ZBTB44: variants seen among roughly 807,000 people sequenced by gnomAD.
ZBTB44 encodes zinc finger and BTB domain-containing protein 44.
Under a neutral mutation model 54.0 loss-of-function variants are expected in ZBTB44, and 15 were observed. That is an observed-to-expected ratio of 0.28 (90% CI 0.19 to 0.43). ZBTB44 has a LOEUF of 0.43. Ranked by LOEUF, ZBTB44 falls within the 20% of genes least tolerant of loss-of-function variation. ZBTB44 has a pLI of 1.00. For synonymous variants in ZBTB44, 230 were observed against 250.1 expected (o/e 0.92, Z 0.76); for missense variants, 487 against 707.1 (o/e 0.69, Z 3.53).
At chr11:130,311,349 C>T (rs1942589733) in intron 1 of ZBTB44, among the ~76,000 whole-genome samples, 5 of 152,108 alleles carry the variant, frequency 3.3e-5, no homozygotes, top group Admixed American at 3.3e-4. Flanking sequence ...GCTGGGAACA[C>T]AGGCACACAC....
chr11:130,307,100 C>T (rs1387959360), intron 1 of ZBTB44, among the ~76,000 whole-genome samples: 1 of 151,250 alleles, frequency 6.6e-6, no homozygotes, highest in Admixed American at 6.6e-5. Context: ...AGTTGAATAC[C>T]TGAATAGCCA....
intron 1 of ZBTB44, chr11:130,284,979 CATCACATCCAT>C (rs1168073411): frequency 6.5e-6 from 1 of 153,398 alleles, no homozygotes. Context: ...TTGTGAAAAT[CATCACATCCAT>C]ATACACAAAA....
chr11:130,279,660 AAACCAACCAACCAACC>A (rs112723247), intron 1 of ZBTB44, among the ~76,000 whole-genome samples: 2 of 151,672 alleles, frequency 1.3e-5, no homozygotes, highest in Admixed American at 6.6e-5. Flanking sequence ...CTCTGTCTCA[AAACCAACCAACCAACC>A]AACCAACCAA....
intron 1 of ZBTB44, among the ~76,000 whole-genome samples, chr11:130,275,997 C>G (rs147193598): frequency 0.033 from 4,976 of 151,068 alleles, 250 homozygotes; most frequent in African/African-American, 0.11. Context: ...GAGGCCAAAG[C>G]GGGTGATCAC....
intron 1 of ZBTB44, among the ~76,000 whole-genome samples, chr11:130,278,150 TGTTA>T (rs1303200425): frequency 2.6e-5 from 4 of 152,222 alleles, no homozygotes; most frequent in South Asian, 4.1e-4. Context: ...ATAAGCCCAT[TGTTA>T]GTTAAAAATA....
chr11:130,232,984 C>G (rs1953935568), intron 7 of ZBTB44: 1 of 207,516 alleles, frequency 4.8e-6, no homozygotes, highest in Non-Finnish European at 9.4e-6. Flanking sequence ...GCCTGGGCAA[C>G]AGAGTGAGAT....
chr11:130,265,501 C>T (rs1939185628), intron 1 of ZBTB44, among the ~76,000 whole-genome samples: 1 of 152,086 alleles, frequency 6.6e-6, no homozygotes, highest in Admixed American at 6.6e-5. Flanking sequence ...AAATGAAATG[C>T]TAGAAATGAT....
chr11:130,294,528 T>G (rs1941509481), intron 1 of ZBTB44, among the ~76,000 whole-genome samples: 1 of 113,740 alleles, frequency 8.8e-6, no homozygotes, highest in Non-Finnish European at 1.7e-5. Flanking sequence ...TACACAAAGG[T>G]CTATATGACC....
At chr11:130,278,689 C>T (rs1475788503) in intron 1 of ZBTB44, among the ~76,000 whole-genome samples, 5 of 152,118 alleles carry the variant, frequency 3.3e-5, no homozygotes, top group Non-Finnish European at 7.4e-5. Context: ...TCACTAAACC[C>T]ATCTTCTGCC....
At chr11:130,312,639 T>C (rs933070581) in intron 1 of ZBTB44, among the ~76,000 whole-genome samples, 5 of 152,144 alleles carry the variant, frequency 3.3e-5, no homozygotes, top group Admixed American at 2.0e-4. Context: ...GGAATATTCA[T>C]CCTATTTAAT....
rs1954209188 is a variant in ZBTB44 at position 130,238,482 on chromosome 11, C to T, written c.1229G>A (p.Arg410His). 6.2e-7 allele frequency: 1 copy of T among 1,608,572 alleles called. No individual in the cohort carries two copies. The highest frequency in any genetic ancestry group is 8.5e-7 in the Non-Finnish European group (1 of 1,177,396). Residue 410 changes from arginine to histidine, a missense_variant, in exon 4 of 8, where the codon CGT (arginine) becomes CAT (histidine). By Grantham distance (29) the Arg-to-His change is conservative. Around this residue, in one of 3 missense-constraint regions of ZBTB44, gnomAD observed 120 missense variants for 240.3 expected, o/e 0.50. Transcript: ENST00000357899. ...QCPTCGVRFT[R>H]IQNLKQHMLI... ...CATGTGCTGCTTTAGGTTCTGAATA[C>T]GGGTGAATCGCACCCCGCAGGTTGG... is the stretch of plus-strand genomic sequence containing the variant.
At chr11:130,245,187 A>C (rs1954589359) in intron 2 of ZBTB44, among the ~76,000 whole-genome samples, 1 of 152,148 alleles carries the variant, frequency 6.6e-6, no homozygotes, top group Admixed American at 6.5e-5. Context: ...GTGTATGTGT[A>C]GCATTTCTGT....
chr11:130,235,983 A>T, intron 5 of ZBTB44: 1 of 869,094 alleles, frequency 1.2e-6, no homozygotes, highest in Non-Finnish European at 1.5e-6. Context: ...AAAAAAAAAG[A>T]AAGATTTGTA....
intron 1 of ZBTB44, chr11:130,296,421 CA>C (rs2134409212): frequency 2.1e-6 from 3 of 1,426,318 alleles, no homozygotes; most frequent in Non-Finnish European, 2.9e-6. Context: ...TCATGGAAAG[CA>C]AAAGCAAAAT....
intron 1 of ZBTB44, among the ~76,000 whole-genome samples, chr11:130,274,304 G>T (rs1414832070): frequency 6.6e-6 from 1 of 152,076 alleles, no homozygotes; most frequent in African/African-American, 2.4e-5. Context: ...ATAAGATCAG[G>T]TCATCTGAAA....
At chr11:130,234,421 A>G (rs1954018258) in intron 5 of ZBTB44, 148 bp from the exon 6 acceptor site, 2 of 980,182 alleles carry the variant, frequency 2.0e-6, no homozygotes, top group Admixed American at 3.5e-5. Context: ...GGAACTTTCA[A>G]CTTATAAACT....
At chr11:130,250,315 A>G (rs1458135966) in intron 2 of ZBTB44, among the ~76,000 whole-genome samples, 1 of 152,206 alleles carries the variant, frequency 6.6e-6, no homozygotes, top group Non-Finnish European at 1.5e-5. Context: ...CACCTGGGAG[A>G]AGGGGCGGCT....
chr11:130,261,212 G>A lies in ZBTB44; in HGVS notation c.662C>T (p.Pro221Leu). Reference sequence around the variant, plus strand: ...AGGAAAAGCTAAGGAAGAGTCAACTGGTTGGTTTCTATTTTCTGAGTAGGA... The same window carrying A: ...AGGAAAAGCTAAGGAAGAGTCAACTAGTTGGTTTCTATTTTCTGAGTAGGA... The part of the protein sequence containing the change: ...SASYSENRNQ[P>L]VDSSLAFPWT... The change falls in exon 2 of 8, where the codon CCA becomes CTA. Residue 221 changes from proline to leucine, a missense_variant. This residue lies in a region of ZBTB44 where 277 missense variants were observed against 306.5 expected (regional missense o/e 0.90). Coordinates refer to ENST00000357899, the MANE Select transcript of ZBTB44 (RefSeq NM_001301098.2). This position sits in a 1 kb window ranked among gnomAD's most constrained non-coding sequence, Gnocchi z 4.8. 1 of 1,613,944 alleles carries A rather than the reference G, an allele frequency of 6.2e-7. No individual in the cohort carries two copies. Among genetic ancestry groups the A allele is most frequent in the African/African-American group, 1.3e-5 (1 of 75,042 alleles).
chr11:130,281,108 T>C (rs1800994790), intron 1 of ZBTB44, among the ~76,000 whole-genome samples: 1 of 152,098 alleles, frequency 6.6e-6, no homozygotes, highest in Admixed American at 6.5e-5. Flanking sequence ...ATGAAACACA[T>C]CTACATTTAT....
Sources: allele counts gnomAD v4.1 joint callset (sites outside exome capture counted in the v4.1 genomes callset), GRCh38; gene constraint gnomAD v4.1.1; regional missense constraint gnomAD v4.1.1; non-coding constraint Gnocchi (gnomAD v3.1); transcripts MANE v1.5; gene names NCBI Gene and HGNC (gene_info 2026-07-23, HGNC 2026-07-21).